RHPN2: variants seen among roughly 807,000 people sequenced by gnomAD.
The protein encoded by RHPN2 is rhophilin Rho GTPase binding protein 2.
Under a neutral mutation model 79.0 loss-of-function variants are expected in RHPN2, and 40 were observed. That is an observed-to-expected ratio of 0.51 (90% CI 0.39 to 0.66). The LOEUF (loss-of-function observed/expected upper bound fraction) is 0.66. Ranked by LOEUF, RHPN2 falls within the 30% of genes least tolerant of loss-of-function variation. The probability of loss-of-function intolerance (pLI) is 0.00; values close to 1 mark genes in which losing one functional copy is unlikely to be tolerated. For missense variants in RHPN2, 686 were observed against 883.5 expected, an observed-to-expected ratio of 0.78 and a Z score of 2.83; for synonymous variants, 285 against 363.5, an observed-to-expected ratio of 0.78 and a Z score of 2.46.
At chr19:33,033,656 G>A (rs1972030143) in intron 2 of RHPN2, among the ~76,000 whole-genome samples, 1 of 151,930 alleles carries the variant, frequency 6.6e-6, no homozygotes, top group Non-Finnish European at 1.5e-5. Context: ...ATCACCTGAG[G>A]TCAGGAGTTG....
intron 7 of RHPN2, among the ~76,000 whole-genome samples, chr19:33,005,918 G>A (rs1442924092): frequency 6.6e-6 from 1 of 152,014 alleles, no homozygotes; most frequent in Admixed American, 6.6e-5. Context: ...TTTTGGGACA[G>A]GGTCTTGCTC....
chr19:32,997,390 G>A (rs1971710782), intron 10 of RHPN2, among the ~76,000 whole-genome samples: 1 of 152,202 alleles, frequency 6.6e-6, no homozygotes, highest in South Asian at 2.1e-4. Context: ...TAATGGATGG[G>A]GTGGTGATGA....
chr19:33,028,635 G>A (rs964520450), intron 2 of RHPN2, among the ~76,000 whole-genome samples: 10 of 152,150 alleles, frequency 6.6e-5, no homozygotes, highest in African/African-American at 2.2e-4. Context: ...CTATGTTTAT[G>A]GATGGGAAGG....
At chr19:33,031,230 A>T (rs1374520317) in intron 2 of RHPN2, among the ~76,000 whole-genome samples, 1 of 151,000 alleles carries the variant, frequency 6.6e-6, no homozygotes, top group African/African-American at 2.4e-5. Flanking sequence ...ATTCTATTCT[A>T]TTCTATTCTA....
chr19:33,003,271 T>C (rs1267130379), intron 7 of RHPN2, among the ~76,000 whole-genome samples: 2 of 146,354 alleles, frequency 1.4e-5, no homozygotes, highest in Non-Finnish European at 3.0e-5. Flanking sequence ...GGCAGGAGGA[T>C]TGCTTGAGCC....
At chr19:32,981,525 A>G (rs1364875595) in intron 14 of RHPN2, among the ~76,000 whole-genome samples, 1 of 147,536 alleles carries the variant, frequency 6.8e-6, no homozygotes, top group Non-Finnish European at 1.5e-5. Context: ...AAAAAAAAAG[A>G]GTATGCAGTG....
chr19:33,022,809 C>T (rs1971935479), intron 3 of RHPN2, among the ~76,000 whole-genome samples: 1 of 152,186 alleles, frequency 6.6e-6, no homozygotes, highest in Non-Finnish European at 1.5e-5. Context: ...CAGCTGTAAG[C>T]TGAACCTGGC....
intron 14 of RHPN2, among the ~76,000 whole-genome samples, chr19:32,983,392 G>T (rs1465686215): frequency 6.6e-6 from 1 of 151,790 alleles, no homozygotes; most frequent in African/African-American, 2.4e-5. Context: ...GGCACCTGTA[G>T]TCCCAGTTAC....
intron 10 of RHPN2, among the ~76,000 whole-genome samples, chr19:32,996,937 G>C (rs529244566): frequency 2.6e-5 from 4 of 151,368 alleles, no homozygotes; most frequent in South Asian, 2.1e-4. Flanking sequence ...ACTTTGTTTC[G>C]CACGCTGGAG....
At chr19:33,048,119 G>A (rs907873326) in intron 1 of RHPN2, among the ~76,000 whole-genome samples, 11 of 151,798 alleles carry the variant, frequency 7.2e-5, no homozygotes, top group African/African-American at 7.3e-5. Flanking sequence ...GCAGTGGTAC[G>A]ATCTCAGCTC....
chr19:33,028,151 C>G (rs1971982699), intron 2 of RHPN2, among the ~76,000 whole-genome samples: 1 of 138,916 alleles, frequency 7.2e-6, no homozygotes, highest in African/African-American at 3.0e-5. Flanking sequence ...ATACAAAAAT[C>G]AATTCTTTTT....
rs1373620396 is a variant in RHPN2 at position 32,990,496 on chromosome 19, G to A, written c.1800+18C>T. ...CTCCACGCCACCACTGACTGCCCAG[G>A]GAGGTGTCAGCGCTCACCATGGATG... On this transcript the variant is annotated intron_variant, in intron 14 of 14. Transcript: ENST00000254260. 3 of 1,613,428 alleles carry A rather than the reference G, an allele frequency of 1.9e-6. No homozygotes were observed. The highest frequency in any genetic ancestry group is 2.5e-6 in the Non-Finnish European group (3 of 1,179,628).
At chr19:33,041,535 C>A (rs1481969085) in intron 2 of RHPN2, among the ~76,000 whole-genome samples, 1 of 152,182 alleles carries the variant, frequency 6.6e-6, no homozygotes, top group Non-Finnish European at 1.5e-5. Context: ...CCCCTGCCAA[C>A]CCAACCACTG....
chr19:33,005,708 T>C (rs1160080891), intron 7 of RHPN2, among the ~76,000 whole-genome samples: 3 of 151,630 alleles, frequency 2.0e-5, no homozygotes, highest in Non-Finnish European at 4.4e-5. Context: ...ACTGTTCTCC[T>C]ACTTGCTTCA....
intron 1 of RHPN2, among the ~76,000 whole-genome samples, chr19:33,052,972 T>C (rs1294076017): frequency 6.9e-6 from 1 of 145,838 alleles, no homozygotes; most frequent in Admixed American, 6.9e-5. Flanking sequence ...ATATGCTGAA[T>C]AACTTTTTTT....
In RHPN2 at chr19:33,002,269, G is replaced by A; in HGVS notation, c.1083C>T (p.Ala361=). ...HYAALAHYFT[A]ILLIDHQVKP... ...TACCCTGGTGGTCGATGAGGAGGAT[G>A]GCAGTGAAGTAGTGGGCCAGGGCCG... The change falls in exon 9 of 15, where the codon GCC becomes GCT. Residue 361 remains alanine (A), a synonymous_variant. Coordinates refer to ENST00000254260, the MANE Select transcript of RHPN2 (RefSeq NM_033103.5). The A allele has an allele frequency of 6.2e-7, 1 of 1,613,450 alleles. No individual in the cohort carries two copies. Among genetic ancestry groups the A allele is most frequent in the Non-Finnish European group, 8.5e-7 (1 of 1,179,862 alleles).
intron 13 of RHPN2, chr19:32,991,274 A>G: frequency 1.6e-5 from 3 of 190,840 alleles, no homozygotes; most frequent in South Asian, 9.8e-5. Flanking sequence ...TGGCTAACAC[A>G]GTGAAACCCC....
In RHPN2 at chr19:33,044,382, A is replaced by T. The variant is rs766531932; in HGVS notation, c.70-18T>A. The T allele has an allele frequency of 7.1e-6, 11 of 1,560,184 alleles. No individual in the cohort carries two copies. The highest frequency in any genetic ancestry group is 1.7e-4 in the Middle Eastern group (1 of 5,968). Reference sequence around the variant, plus strand: ...TTACAGCCCTGAGGAAAAATAAGAGATGCCCCTTCAGAGGTCGGCCACTCT... The same window carrying T: ...TTACAGCCCTGAGGAAAAATAAGAGTTGCCCCTTCAGAGGTCGGCCACTCT... On this transcript the variant is annotated intron_variant, in intron 1 of 14. Coordinates refer to ENST00000254260, the MANE Select transcript of RHPN2 (RefSeq NM_033103.5).
chr19:33,040,481 G>A (rs1000396692), intron 2 of RHPN2, among the ~76,000 whole-genome samples: 4 of 151,666 alleles, frequency 2.6e-5, no homozygotes, highest in Non-Finnish European at 4.4e-5. Context: ...CTTGTGATTC[G>A]CCCACCTCGG....
Sources: gnomAD v4.1 joint callset for allele counts (sites outside exome capture counted in the v4.1 genomes callset) on GRCh38, gnomAD v4.1.1 for gene constraint, MANE v1.5 for transcripts, NCBI Gene and HGNC (gene_info 2026-07-23, HGNC 2026-07-21) for gene names.